The following PRR5L variants were observed in gnomAD, a reference collection of about 807,000 sequenced individuals.
The protein encoded by PRR5L is proline rich 5 like, also known as proline-rich protein 5-like.
A neutral mutation model predicts 36.4 loss-of-function variants in PRR5L; 21 were observed. The observed-to-expected ratio is 0.58, with a 90% CI of 0.41 to 0.83. The LOEUF (loss-of-function observed/expected upper bound fraction) is 0.83, where lower values mean the gene tolerates loss of function less well. Ranked by LOEUF, PRR5L falls within the 40% of genes least tolerant of loss-of-function variation. The probability of loss-of-function intolerance (pLI) is 0.00; values close to 1 mark genes in which losing one functional copy is unlikely to be tolerated. For missense variants in PRR5L, 381 were observed against 473.3 expected (o/e 0.80, Z 1.81); for synonymous variants, 188 against 197.0 (o/e 0.95, Z 0.38).
chr11:36,324,536 T>TA (rs531093412), intron 1 of PRR5L, among the ~76,000 whole-genome samples: 16 of 151,234 alleles, frequency 1.1e-4, no homozygotes, highest in South Asian at 6.2e-4. Flanking sequence ...TTACTGCAAA[T>TA]AAAAAAAAAT....
At chr11:36,325,718 T>G (rs1856655592) in intron 1 of PRR5L, among the ~76,000 whole-genome samples, 1 of 152,204 alleles carries the variant, frequency 6.6e-6, no homozygotes, top group Admixed American at 6.5e-5. Flanking sequence ...GCTTAGGGAT[T>G]CTTAGTCGGC....
intron 6 of PRR5L, among the ~76,000 whole-genome samples, chr11:36,445,916 G>A (rs545745745): frequency 6.6e-6 from 1 of 152,220 alleles, no homozygotes; most frequent in Non-Finnish European, 1.5e-5. Flanking sequence ...TTGTATGATA[G>A]ATGTTCAGAT....
chr11:36,442,475 G>A (rs922533114), intron 6 of PRR5L, among the ~76,000 whole-genome samples: 1 of 151,980 alleles, frequency 6.6e-6, no homozygotes, highest in African/African-American at 2.4e-5. Flanking sequence ...CCAAGTAGCT[G>A]GGATTACAGG....
intron 1 of PRR5L, among the ~76,000 whole-genome samples, chr11:36,354,732 T>C (rs1857008592): frequency 6.6e-6 from 1 of 152,216 alleles, no homozygotes; most frequent in Non-Finnish European, 1.5e-5. Flanking sequence ...TGGCACATGG[T>C]GAGCACTTAA....
At chr11:36,318,470 T>C (rs1423992575) in intron 1 of PRR5L, among the ~76,000 whole-genome samples, 5 of 147,218 alleles carry the variant, frequency 3.4e-5, no homozygotes, top group African/African-American at 1.2e-4. Context: ...TGCGAAGTCC[T>C]GCCAGTTGGT....
At chr11:36,366,448 A>T (rs938356718) in intron 1 of PRR5L, among the ~76,000 whole-genome samples, 4 of 152,158 alleles carry the variant, frequency 2.6e-5, no homozygotes, top group Non-Finnish European at 5.9e-5. Flanking sequence ...AGGGAGGAAG[A>T]GGGAGGCATA....
chr11:36,312,015 G>T (rs1856508863), intron 1 of PRR5L, among the ~76,000 whole-genome samples: 1 of 152,036 alleles, frequency 6.6e-6, no homozygotes. Context: ...AGGAGTGAGA[G>T]GAGATAACAT....
intron 3 of PRR5L, among the ~76,000 whole-genome samples, chr11:36,408,566 C>A (rs188083556): frequency 7.4e-4 from 113 of 152,254 alleles, no homozygotes; most frequent in African/African-American, 2.5e-3. Context: ...TGGGAGTCTT[C>A]TTGTTTTGAA....
intron 8 of PRR5L, among the ~76,000 whole-genome samples, chr11:36,453,524 G>A (rs533972908): frequency 2.4e-4 from 37 of 152,202 alleles, no homozygotes; most frequent in Non-Finnish European, 4.0e-4. Context: ...CACTAGGGGC[G>A]GGGAGGGAAG....
intron 4 of PRR5L, among the ~76,000 whole-genome samples, chr11:36,428,988 A>G (rs931073275): frequency 1.2e-4 from 19 of 152,116 alleles, no homozygotes; most frequent in African/African-American, 4.1e-4. Flanking sequence ...CAAATTTTAA[A>G]AGAGTATTTT....
At chr11:36,304,380 C>T (rs1261421089) in intron 1 of PRR5L, among the ~76,000 whole-genome samples, 1 of 152,182 alleles carries the variant, frequency 6.6e-6, no homozygotes, top group African/African-American at 2.4e-5. Context: ...TGGCAAAAAT[C>T]CCTGCTCTCA....
intron 7 of PRR5L, among the ~76,000 whole-genome samples, chr11:36,449,191 C>T (rs1048077856): frequency 3.3e-5 from 5 of 152,176 alleles, no homozygotes; most frequent in African/African-American, 1.2e-4. Context: ...GCAGCAAGGG[C>T]GATGGCCTCT....
Position 36,376,389 on chromosome 11 carries a change from G to A in PRR5L, c.-125-24608G>A, listed in dbSNP as rs1010238500. The A allele has an allele frequency of 1.7e-4, 196 of 1,164,368 alleles. 2 individuals are homozygous for A. The South Asian group carries it at 3.0e-3, about 18-fold the overall frequency. The allele number at this position is 1,164,368 out of a possible 1,614,324, so 72.1% of individuals were successfully genotyped here. A position where few individuals can be genotyped will look rare whatever the true frequency, so the allele number is the denominator to read the frequency against. On this transcript the variant is annotated intron_variant, in intron 1 of 8. Transcript: ENST00000530639. ...GAGGAGGAGGAGGCGGCCGTAAGAT[G>A]AGAGAGGAGGGAAACGTGTCACCAG...
intron 1 of PRR5L, chr11:36,376,301 G>T: frequency 9.1e-7 from 1 of 1,103,286 alleles, no homozygotes; most frequent in East Asian, 7.9e-5. Context: ...AGTGGGAGGA[G>T]AAGGAGGAAG....
intron 1 of PRR5L, among the ~76,000 whole-genome samples, chr11:36,314,373 C>T (rs1856533898): frequency 6.6e-6 from 1 of 152,192 alleles, no homozygotes; most frequent in African/African-American, 2.4e-5. Flanking sequence ...AGAATCTCCC[C>T]ACACATCAGT....
chr11:36,312,780 T>C (rs1483915565), intron 1 of PRR5L, among the ~76,000 whole-genome samples: 11 of 152,262 alleles, frequency 7.2e-5, no homozygotes, highest in Admixed American at 7.2e-4. Flanking sequence ...AGTTGCTCAA[T>C]AGCTTTTAGT....
chr11:36,414,654 T>G (rs1858102809), intron 3 of PRR5L, among the ~76,000 whole-genome samples: 1 of 144,082 alleles, frequency 6.9e-6, no homozygotes, highest in Admixed American at 6.8e-5. Context: ...TTCTCCCATT[T>G]TGTAGGTTGC....
intron 6 of PRR5L, among the ~76,000 whole-genome samples, chr11:36,444,249 G>A (rs1222923962): frequency 1.3e-5 from 2 of 152,136 alleles, no homozygotes; most frequent in Admixed American, 6.6e-5. Context: ...AATATACAAA[G>A]TGAAACAAAA....
Position 36,451,274 on chromosome 11 carries a change from G to A in PRR5L, c.651G>A (p.Val217=), listed in dbSNP as rs1858939125. 6.2e-7 allele frequency: 1 copy of A among 1,614,056 alleles called. No homozygotes were observed. The highest frequency in any genetic ancestry group is 1.1e-5 in the South Asian group (1 of 91,080). The change falls in exon 8 of 9, where the codon GTG becomes GTA. Residue 217 remains valine (V), a synonymous_variant. Transcript: ENST00000530639. ...AACTGGAGGAGCTGGTGAAGCAAGTGGTTTCTCCTTTCCTCGGCATCAGCG... is the reference window on the plus strand; with the variant it reads ...AACTGGAGGAGCTGGTGAAGCAAGTAGTTTCTCCTTTCCTCGGCATCAGCG... ...YLQLEELVKQ[V]VSPFLGISGD...
Sources: gnomAD v4.1 joint callset for allele counts (sites outside exome capture counted in the v4.1 genomes callset) on GRCh38, gnomAD v4.1.1 for gene constraint, MANE v1.5 for transcripts, NCBI Gene and HGNC (gene_info 2026-07-23, HGNC 2026-07-21) for gene names.